The following DONSON variants were observed in gnomAD, a reference collection of about 807,000 sequenced individuals.
DONSON encodes the protein protein downstream neighbor of Son.
Under a neutral mutation model 62.1 loss-of-function variants are expected in DONSON, and 43 were observed. That is an observed-to-expected ratio of 0.69 (90% confidence interval 0.54 to 0.89). DONSON has a LOEUF of 0.89. DONSON is among the 40% of genes least tolerant of loss of function. The pLI, the probability that DONSON is intolerant of heterozygous loss-of-function variation, is 0.00. For synonymous variants in DONSON, 266 were observed against 264.6 expected, an observed-to-expected ratio of 1.01 and a Z score of -0.05; for missense variants, 696 against 697.5, an observed-to-expected ratio of 1.00 and a Z score of 0.03.
rs1175559581 is a variant in DONSON, at chr21:33,577,791, C to T, written c.*516G>A. ...CTATTCTATGTGGAATACAAAATGC[C>T]TTTTTATCTGAATTAACATGCATTT... On this transcript the variant is annotated 3_prime_UTR_variant, in exon 10 of 10. Coordinates refer to ENST00000303071, the MANE Select transcript of DONSON (RefSeq NM_017613.4). 2.0e-5 allele frequency: 3 copies of T among 152,596 alleles called. No individual in the cohort carries two copies. Among genetic ancestry groups the T allele is most frequent in the Non-Finnish European group, 2.9e-5 (2 of 68,572 alleles). The allele number at this position is 152,596 out of a possible 1,614,324, so 9.5% of individuals were successfully genotyped here.
At chr21:33,586,268 A>T in intron 2 of DONSON, 87 bp from the exon 3 acceptor site, 1 of 1,076,750 alleles carries the variant, frequency 9.3e-7, no homozygotes, top group South Asian at 1.4e-5. Context: ...ATGATCACTG[A>T]AAAGTAAAAA....
In DONSON at chr21:33,580,525, G is replaced by A. The variant is rs2086495916; in HGVS notation, c.1350+777C>T. On this transcript the variant is annotated intron_variant, in intron 8 of 9. Coordinates refer to ENST00000303071, the MANE Select transcript of DONSON (RefSeq NM_017613.4). Reference sequence around the variant, plus strand: ...AAAAAGCAGGGCATGGCAGTCCTGTGGTCCGATACTCGAGAGGCTGAGGCA... The same window carrying A: ...AAAAAGCAGGGCATGGCAGTCCTGTAGTCCGATACTCGAGAGGCTGAGGCA... Among the ~76,000 whole-genome samples the A allele has an allele frequency of 3.1e-5, 4 of 129,956 alleles. 1 individual carries two copies. In the South Asian group the frequency reaches 1.0e-3, roughly 33 times the overall value. The allele number at this position is 129,956 out of a possible 152,430, so 85.3% of individuals were successfully genotyped here.
intron 5 of DONSON, among the ~76,000 whole-genome samples, chr21:33,582,930 G>C (rs755583722): frequency 6.6e-6 from 1 of 152,006 alleles, no homozygotes; most frequent in Non-Finnish European, 1.5e-5. Context: ...GTCCGGGCGC[G>C]GTGGCTCACG....
intron 5 of DONSON, among the ~76,000 whole-genome samples, 168 bp from the exon 6 acceptor site, chr21:33,582,414 T>C (rs115597044): frequency 6.3e-4 from 96 of 152,360 alleles, no homozygotes; most frequent in African/African-American, 2.2e-3. Flanking sequence ...ATAAAACGTA[T>C]TCTCCTTGAA....
chr21:33,584,916 T>C (rs2086560776), intron 3 of DONSON, 148 bp from the exon 4 acceptor site: 1 of 631,046 alleles, frequency 1.6e-6, no homozygotes, highest in Non-Finnish European at 2.4e-6. Context: ...AACGAAAACA[T>C]AGTTTATCCT....
intron 5 of DONSON, among the ~76,000 whole-genome samples, chr21:33,583,275 C>A (rs973133150): frequency 6.7e-6 from 1 of 148,992 alleles, no homozygotes; most frequent in African/African-American, 2.5e-5. Context: ...ATCCTCCTCA[C>A]TGCCCATGAA....
At chr21:33,582,753 G>A (rs894990357) in intron 5 of DONSON, among the ~76,000 whole-genome samples, 14 of 152,112 alleles carry the variant, frequency 9.2e-5, no homozygotes, top group Non-Finnish European at 2.1e-4. Flanking sequence ...GTTAGAAACC[G>A]GGCTGCACAG....
In DONSON at chr21:33,577,601, CCCTACACACACACACACACACACACACA is replaced by C. The variant is rs2086432102; in HGVS notation, c.*678_*705del. The C allele has an allele frequency of 9.0e-6, 1 of 111,686 alleles. No homozygotes were observed. The highest frequency in any genetic ancestry group is 3.4e-5 in the African/African-American group (1 of 29,248). The allele number at this position is 111,686 out of a possible 1,614,324, so 6.9% of individuals were successfully genotyped here. On this transcript the variant is annotated 3_prime_UTR_variant, in exon 10 of 10. Coordinates refer to ENST00000303071, the MANE Select transcript of DONSON (RefSeq NM_017613.4). ...TAAAAATGTGAATTATACAGTCCCC[CCCTACACACACACACACACACACACACA>C]CACACACACACACACACACACACAC... is the stretch of plus-strand genomic sequence containing the variant.
chr21:33,578,467 C>T, intron 9 of DONSON, 23 bp from the exon 10 acceptor site: 1 of 1,596,086 alleles, frequency 6.3e-7, no homozygotes, highest in Non-Finnish European at 8.5e-7. Flanking sequence ...GTGTACAAGT[C>T]AGTAAAAAGC....
chr21:33,578,278 A>T lies in DONSON; in HGVS notation c.*29T>A. ...TCCTTGCTAGAAGGCTTTTTTCCTC[A>T]AAGATTCCTTTTAGGCTTACTTTGG... On this transcript the variant is annotated 3_prime_UTR_variant, in exon 10 of 10. Coordinates refer to ENST00000303071, the MANE Select transcript of DONSON (RefSeq NM_017613.4). The T allele has an allele frequency of 6.3e-7, 1 of 1,594,892 alleles. No individual in the cohort carries two copies.
intron 8 of DONSON, among the ~76,000 whole-genome samples, chr21:33,580,002 C>G (rs2086487295): frequency 6.6e-6 from 1 of 151,786 alleles, no homozygotes; most frequent in Non-Finnish European, 1.5e-5. Flanking sequence ...CAAGACCAGC[C>G]TGGCCAACAT....
intron 9 of DONSON, among the ~76,000 whole-genome samples, chr21:33,578,676 A>G (rs951633929): frequency 6.6e-6 from 1 of 152,218 alleles, no homozygotes; most frequent in African/African-American, 2.4e-5. Flanking sequence ...TTCTAACTCT[A>G]AAAACCTTAA....
intron 1 of DONSON, 48 bp downstream of exon 1, chr21:33,588,273 C>T: frequency 8.2e-7 from 1 of 1,214,936 alleles, no homozygotes; most frequent in Non-Finnish European, 1.0e-6. Flanking sequence ...GCTGGCTCAA[C>T]CCACGAAAGA....
At chr21:33,579,307 G>A (rs746109998) in intron 9 of DONSON, 43 bp downstream of exon 9, 3 of 1,424,616 alleles carry the variant, frequency 2.1e-6, no homozygotes, top group Non-Finnish European at 1.9e-6. Context: ...GCTAGTTTGA[G>A]GAAACTACAA....
At chr21:33,579,252 T>C in intron 9 of DONSON, 98 bp downstream of exon 9, 1 of 889,512 alleles carries the variant, frequency 1.1e-6, no homozygotes, top group East Asian at 2.6e-5. Flanking sequence ...TTTAATTACT[T>C]GAAACACAAT....
intron 7 of DONSON, 112 bp from the exon 8 acceptor site, chr21:33,581,612 C>T: frequency 1.2e-6 from 1 of 820,340 alleles, no homozygotes; most frequent in Non-Finnish European, 1.9e-6. Context: ...AAATGGAAAT[C>T]CTCTTGCTAC....
intron 8 of DONSON, 117 bp downstream of exon 8, chr21:33,581,185 A>T: frequency 1.0e-6 from 1 of 960,214 alleles, no homozygotes; most frequent in Non-Finnish European, 1.5e-6. Flanking sequence ...AATGGGAGGA[A>T]AGCAAAATGA....
At chr21:33,586,723 C>T (rs944991988) in intron 2 of DONSON, among the ~76,000 whole-genome samples, 6 of 149,428 alleles carry the variant, frequency 4.0e-5, no homozygotes, top group Admixed American at 2.0e-4. Flanking sequence ...CAACCTCTGC[C>T]GCCTAGGATC....
intron 3 of DONSON, among the ~76,000 whole-genome samples, chr21:33,585,432 TACTC>T (rs756454722): frequency 3.3e-5 from 5 of 149,520 alleles, no homozygotes; most frequent in Non-Finnish European, 7.4e-5. Context: ...CTCACTACGT[TACTC>T]AGGCTGGTCT....
Sources: gnomAD v4.1 joint callset for allele counts (sites outside exome capture counted in the v4.1 genomes callset) on GRCh38, gnomAD v4.1.1 for gene constraint, MANE v1.5 for transcripts, NCBI Gene and HGNC (gene_info 2026-07-23, HGNC 2026-07-21) for gene names.